The following TARBP1 variants were observed in gnomAD, a reference collection of about 807,000 sequenced individuals.
TARBP1 encodes tRNA guanosine 2 -O-methyltransferase TARBP1.
TARBP1 carries 144 observed loss-of-function variants against 178.6 expected under a neutral mutation model. That is an observed-to-expected ratio of 0.81 (90% CI 0.70 to 0.93). The LOEUF (loss-of-function observed/expected upper bound fraction) is 0.93, where lower values mean the gene tolerates loss of function less well. TARBP1 is among the 40% of genes least tolerant of loss of function. TARBP1 has a pLI of 0.00. For missense variants in TARBP1, 2,067 were observed against 2,011.7 expected (o/e 1.03, Z -0.53); for synonymous variants, 787 against 781.0 (o/e 1.01, Z -0.13).
intron 7 of TARBP1, among the ~76,000 whole-genome samples, chr1:234,459,735 C>G (rs1439090544): frequency 6.6e-6 from 1 of 152,010 alleles, no homozygotes; most frequent in Non-Finnish European, 1.5e-5. Flanking sequence ...TCGCTTGAAT[C>G]CAGAAGGCAG....
intron 15 of TARBP1, 140 bp downstream of exon 15, chr1:234,429,947 T>G: frequency 1.1e-6 from 1 of 925,544 alleles, no homozygotes; most frequent in Non-Finnish European, 1.6e-6. Context: ...GTAACAGAGA[T>G]GAATAATGTT....
chr1:234,460,427 T>G (rs761986579), intron 6 of TARBP1, 31 bp from the exon 7 acceptor site: 1 of 1,610,906 alleles, frequency 6.2e-7, no homozygotes, highest in Non-Finnish European at 8.5e-7. Context: ...TTATCATTGT[T>G]GCCAATTAGC....
In TARBP1 at chr1:234,459,214, C is replaced by A. The variant is rs1667595840; in HGVS notation, c.1632+16G>T. The A allele has an allele frequency of 1.2e-6, 2 of 1,600,104 alleles. No individual in the cohort carries two copies. Among genetic ancestry groups the A allele is most frequent in the African/African-American group, 2.7e-5 (2 of 74,322 alleles). ...AAGAAAGACTTGTAAATGGAAGTAA[C>A]AAAAGAAAAACTTACCACATCTAGC... On this transcript the variant is annotated intron_variant, in intron 8 of 29. Coordinates refer to ENST00000040877, the MANE Select transcript of TARBP1 (RefSeq NM_005646.4).
At chr1:234,395,929 C>T (rs367878395) in intron 26 of TARBP1, among the ~76,000 whole-genome samples, 3 of 152,256 alleles carry the variant, frequency 2.0e-5, no homozygotes, top group African/African-American at 7.2e-5. Context: ...TTTCCATGTT[C>T]TCATCACAAA....
chr1:234,443,917 T>C (rs1167529774), intron 12 of TARBP1, among the ~76,000 whole-genome samples: 1 of 152,054 alleles, frequency 6.6e-6, no homozygotes, highest in African/African-American at 2.4e-5. Context: ...GTCAAACTCA[T>C]AGAGACAGAA....
rs1188085905 is a variant in TARBP1, at chr1:234,391,503, ATC to A, written c.*72_*73del. On this transcript the variant is annotated 3_prime_UTR_variant, in exon 30 of 30. Coordinates refer to ENST00000040877, the MANE Select transcript of TARBP1 (RefSeq NM_005646.4). ...ACAAATTATCACAATAAATTTCAGAATCTGTTTCTTTAGTCCAAATAGTTTTT... is the reference window on the plus strand; with the variant it reads ...ACAAATTATCACAATAAATTTCAGAATGTTTCTTTAGTCCAAATAGTTTTT... 3.0e-5 allele frequency: 43 copies of A among 1,422,206 alleles called. No individual in the cohort carries two copies. In the Admixed American group the frequency reaches 9.7e-4, roughly 32 times the overall value. 88.1% of individuals were successfully genotyped at this position (1,422,206 alleles called of 1,614,324 possible). A position where few individuals can be genotyped will look rare whatever the true frequency, so the allele number is the denominator to read the frequency against.
At chr1:234,469,049 G>A (rs1190844719) in intron 3 of TARBP1, among the ~76,000 whole-genome samples, 1 of 106,512 alleles carries the variant, frequency 9.4e-6, no homozygotes, top group African/African-American at 3.6e-5. Context: ...GAAAGTCGTT[G>A]CGGTTTTTGC....
At position 234,478,700 on chromosome 1, in the gene TARBP1, GGC is replaced by G. The variant is rs1669831080; in HGVS notation, c.402_403del (p.Pro135TrpfsTer45). On this transcript the variant is annotated frameshift_variant, in exon 1 of 30. Transcript: ENST00000040877. LOFTEE classifies it high-confidence loss of function. ...CACTTCCACGGCAGCCTCGGCGCCA[GGC>G]GCGCGCCACCCGGCGAGCAGATCGC... 4 of 1,213,932 alleles carry G rather than the reference GGC, an allele frequency of 3.3e-6. No individual in the cohort carries two copies. The Admixed American group carries it at 1.8e-4, about 55-fold the overall frequency. The allele number at this position is 1,213,932 out of a possible 1,614,324, so 75.2% of individuals were successfully genotyped here.
chr1:234,466,079 A>T (rs1427918971), intron 4 of TARBP1, among the ~76,000 whole-genome samples: 1 of 150,160 alleles, frequency 6.7e-6, no homozygotes, highest in Admixed American at 6.9e-5. Flanking sequence ...TGCCTAGAGG[A>T]TAAAGAGGAA....
At chr1:234,441,715 T>C (rs1327909450) in intron 12 of TARBP1, among the ~76,000 whole-genome samples, 1 of 152,190 alleles carries the variant, frequency 6.6e-6, no homozygotes, top group African/African-American at 2.4e-5. Flanking sequence ...CCTTAACCCC[T>C]ATTTTCTCCC....
Position 234,459,335 on chromosome 1 carries a change from G to C in TARBP1, c.1536-9C>G. 1 of 1,590,476 alleles carries C rather than the reference G, an allele frequency of 6.3e-7. No individual in the cohort carries two copies. Among genetic ancestry groups the C allele is most frequent in the Non-Finnish European group, 8.5e-7 (1 of 1,170,304 alleles). The stretch of plus-strand genomic sequence containing the variant: ...TGCAATGAATAACATCCCTGACATC[G>C]AAACACAAAAAATGCAGTTCCGTAT... On this transcript the variant is annotated splice_polypyrimidine_tract_variant and intron_variant, in intron 7 of 29. Coordinates refer to ENST00000040877, the MANE Select transcript of TARBP1 (RefSeq NM_005646.4).
chr1:234,454,764 C>T (rs778328131), intron 9 of TARBP1, among the ~76,000 whole-genome samples: 4 of 152,190 alleles, frequency 2.6e-5, no homozygotes, highest in Non-Finnish European at 5.9e-5. Context: ...CCCTGTGAAA[C>T]TCCTGCAACC....
chr1:234,474,619 G>C (rs1327134011), intron 1 of TARBP1, among the ~76,000 whole-genome samples: 1 of 152,166 alleles, frequency 6.6e-6, no homozygotes, highest in Non-Finnish European at 1.5e-5. Flanking sequence ...ATTCAGAATG[G>C]TTTCAGATTT....
In TARBP1 at chr1:234,427,362, A is replaced by G. The variant is rs764310126; in HGVS notation, c.3278T>C (p.Ile1093Thr). Residue 1093 changes from isoleucine to threonine, a missense_variant, in exon 19 of 30, where the codon ATA becomes ACA. Transcript: ENST00000040877. ...CGCACAGTCATGTCCAAGGTTTTCT[A>G]TGAAGGTCTGTACATCCTGAACAAG... The part of the protein sequence containing the change: ...QRLVQDVQTF[I>T]ENLGHDCAAN... 2 of 1,612,482 alleles carry G rather than the reference A, an allele frequency of 1.2e-6. No homozygotes were observed. The highest frequency in any genetic ancestry group is 1.1e-5 in the South Asian group (1 of 90,616).
intron 9 of TARBP1, among the ~76,000 whole-genome samples, chr1:234,455,613 CTTTG>C (rs1667191884): frequency 2.0e-5 from 3 of 152,028 alleles, no homozygotes; most frequent in African/African-American, 7.2e-5. Context: ...TCAAAAACAC[CTTTG>C]TTTGGGGATG....
intron 8 of TARBP1, 131 bp from the exon 9 acceptor site, chr1:234,457,887 A>T: frequency 1.8e-6 from 1 of 554,062 alleles, no homozygotes; most frequent in Non-Finnish European, 3.2e-6. Flanking sequence ...AAAAGAAAGC[A>T]AATATCATTA....
intron 11 of TARBP1, among the ~76,000 whole-genome samples, chr1:234,447,691 T>C (rs1379878703): frequency 1.3e-5 from 2 of 152,230 alleles, no homozygotes; most frequent in African/African-American, 4.8e-5. Flanking sequence ...GCAAATATCC[T>C]ACCTGATCTA....
intron 29 of TARBP1, among the ~76,000 whole-genome samples, chr1:234,392,063 A>G (rs996542171): frequency 4.6e-5 from 7 of 152,244 alleles, no homozygotes; most frequent in African/African-American, 1.7e-4. Flanking sequence ...GGTAAACTGT[A>G]AAACAGAAAA....
chr1:234,478,107 C>G (rs1009487088), intron 1 of TARBP1, 66 bp downstream of exon 1: 21 of 1,505,520 alleles, frequency 1.4e-5, no homozygotes, highest in Admixed American at 1.9e-5. Flanking sequence ...TTTTTAGAAG[C>G]AGGAAGACTC....
Sources: gnomAD v4.1 joint callset for allele counts (sites outside exome capture counted in the v4.1 genomes callset) on GRCh38, gnomAD v4.1.1 for gene constraint, MANE v1.5 for transcripts, NCBI Gene and HGNC (gene_info 2026-07-23, HGNC 2026-07-21) for gene names.